FARS2: variants seen among roughly 807,000 people sequenced by gnomAD.
FARS2 encodes the protein phenylalanine--tRNA ligase, mitochondrial.
In FARS2, 40 loss-of-function variants were observed where a neutral mutation model predicts 46.4. That is an observed-to-expected ratio of 0.86 (90% CI 0.67 to 1.12). The LOEUF is 1.12. Among genes scored for constraint, FARS2 ranks in the 50% most tolerant of loss-of-function variants. The pLI, the probability that FARS2 is intolerant of heterozygous loss-of-function variation, is 0.00. For missense variants in FARS2, 513 were observed against 567.9 expected (o/e 0.90, Z 0.98); for synonymous variants, 234 against 214.9 (o/e 1.09, Z -0.78).
chr6:5,613,270 AGGAGAC>A lies in FARS2; in HGVS notation c.1168_1173del (p.Gly390_Asp391del), dbSNP rs765670501. ...TCTATGACTTAGTCCGAACAATTGGAGGAGACCTGGTGGAAAAGGTTGATCTCATAG... is the reference window on the plus strand; with the variant it reads ...TCTATGACTTAGTCCGAACAATTGGACTGGTGGAAAAGGTTGATCTCATAG... On this transcript the variant is annotated inframe_deletion, in exon 6 of 7. Transcript: ENST00000274680. 6.8e-6 allele frequency: 11 copies of A among 1,613,478 alleles called. No individual in the cohort carries two copies. In the African/African-American group the frequency reaches 1.5e-4, roughly 22 times the overall value.
intron 3 of FARS2, among the ~76,000 whole-genome samples, chr6:5,428,499 C>G (rs1373804578): frequency 6.6e-6 from 1 of 152,138 alleles, no homozygotes; most frequent in African/African-American, 2.4e-5. Context: ...GCCATGTACA[C>G]AAAATATATT....
intron 1 of FARS2, among the ~76,000 whole-genome samples, chr6:5,281,122 G>A (rs1166609365): frequency 6.6e-6 from 1 of 152,166 alleles, no homozygotes; most frequent in Non-Finnish European, 1.5e-5. Context: ...TTATGCAACT[G>A]TTGTCTTATG....
At chr6:5,728,309 G>A (rs1240415433) in intron 6 of FARS2, among the ~76,000 whole-genome samples, 3 of 151,978 alleles carry the variant, frequency 2.0e-5, no homozygotes, top group Admixed American at 2.0e-4. Context: ...GAAGGGTCTT[G>A]AGTGCTTTCA....
In FARS2 at chr6:5,590,392, C is replaced by T. The variant is rs185977926; in HGVS notation, c.1066-22777C>T. Among the ~76,000 whole-genome samples, 138 of 152,274 alleles carry T rather than the reference C, an allele frequency of 9.1e-4. 1 individual carries two copies. The highest frequency in any genetic ancestry group is 1.4e-3 in the African/African-American group (57 of 41,558). ...TAGAGTCTCAGGCACCCAGCCAGCCCGGTTGAGAGCCCTTCAGCTCTGGCA... is the reference window on the plus strand; with the variant it reads ...TAGAGTCTCAGGCACCCAGCCAGCCTGGTTGAGAGCCCTTCAGCTCTGGCA... On this transcript the variant is annotated intron_variant, in intron 5 of 6. Transcript: ENST00000274680.
intron 2 of FARS2, among the ~76,000 whole-genome samples, chr6:5,395,302 C>T (rs928453430): frequency 2.0e-5 from 3 of 152,148 alleles, no homozygotes; most frequent in South Asian, 2.1e-4. Context: ...CCACCTGCCT[C>T]GGCCTCTGAA....
chr6:5,279,453 A>G (rs960609826), intron 1 of FARS2, among the ~76,000 whole-genome samples: 56 of 151,128 alleles, frequency 3.7e-4, no homozygotes, highest in African/African-American at 1.3e-3. Flanking sequence ...TTGAAAGATA[A>G]CAGAATGACA....
intron 6 of FARS2, among the ~76,000 whole-genome samples, chr6:5,744,169 G>T (rs1168475836): frequency 6.6e-6 from 1 of 152,210 alleles, no homozygotes; most frequent in East Asian, 1.9e-4. Context: ...GAAGCCTGGG[G>T]AGGGTGAGCA....
the FARS2 span, among the ~76,000 whole-genome samples, chr6:5,255,099 A>T: frequency 6.6e-6 from 1 of 152,232 alleles, no homozygotes; most frequent in South Asian, 2.1e-4. Flanking sequence ...CCCCAAACAT[A>T]TGACTATCTT....
intron 6 of FARS2, among the ~76,000 whole-genome samples, chr6:5,674,121 C>A (rs1778626537): frequency 6.9e-6 from 1 of 145,180 alleles, no homozygotes; most frequent in Non-Finnish European, 1.5e-5. Flanking sequence ...GTCTTAGAAA[C>A]CATTTGCCCT....
chr6:5,487,825 C>T (rs1290442272), intron 4 of FARS2, among the ~76,000 whole-genome samples: 1 of 152,138 alleles, frequency 6.6e-6, no homozygotes, highest in Non-Finnish European at 1.5e-5. Flanking sequence ...AGTCATCAGA[C>T]CCCTCAGTGG....
chr6:5,425,530 C>CT (rs1762798870), intron 3 of FARS2, among the ~76,000 whole-genome samples: 3 of 152,104 alleles, frequency 2.0e-5, no homozygotes, highest in Non-Finnish European at 2.9e-5. Flanking sequence ...CACACACACC[C>CT]GCCCTGCAAG....
intron 6 of FARS2, among the ~76,000 whole-genome samples, chr6:5,725,862 G>A (rs1214326946): frequency 1.3e-5 from 2 of 152,216 alleles, no homozygotes; most frequent in Non-Finnish European, 1.5e-5. Flanking sequence ...TTGAACCAGA[G>A]AGGCAGAGGT....
intron 5 of FARS2, among the ~76,000 whole-genome samples, chr6:5,611,496 A>C (rs1298052080): frequency 6.6e-6 from 1 of 152,200 alleles, no homozygotes; most frequent in East Asian, 1.9e-4. Context: ...CTTATTTCCC[A>C]ACAAAATCGT....
intron 4 of FARS2, among the ~76,000 whole-genome samples, chr6:5,440,308 A>T (rs947421494): frequency 2.6e-5 from 4 of 152,076 alleles, no homozygotes; most frequent in African/African-American, 4.8e-5. Flanking sequence ...TTTTGTATTA[A>T]TTTTTTCTGC....
chr6:5,518,742 AT>A (rs1000279696), intron 4 of FARS2, among the ~76,000 whole-genome samples: 73 of 152,218 alleles, frequency 4.8e-4, no homozygotes, highest in African/African-American at 1.7e-3. Context: ...CAAGAAATAC[AT>A]TTTTTTCATA....
At chr6:5,637,779 C>G (rs1010822177) in intron 6 of FARS2, among the ~76,000 whole-genome samples, 6 of 152,152 alleles carry the variant, frequency 3.9e-5, no homozygotes. Flanking sequence ...TAGATGGTGT[C>G]TTCTCCCTGT....
intron 5 of FARS2, among the ~76,000 whole-genome samples, chr6:5,554,098 C>T (rs1217790583): frequency 1.3e-5 from 2 of 152,016 alleles, no homozygotes; most frequent in African/African-American, 2.4e-5. Flanking sequence ...CATGGATTTC[C>T]AACAGTTGTA....
intron 6 of FARS2, among the ~76,000 whole-genome samples, chr6:5,663,567 A>G (rs116667925): frequency 2.6e-5 from 4 of 152,218 alleles, no homozygotes; most frequent in African/African-American, 9.6e-5. Flanking sequence ...GAAGCAATCC[A>G]CTAAAGAAAA....
intron 4 of FARS2, among the ~76,000 whole-genome samples, chr6:5,514,293 G>A (rs1181496138): frequency 6.6e-6 from 1 of 152,072 alleles, no homozygotes; most frequent in African/African-American, 2.4e-5. Flanking sequence ...TCTAATGGAA[G>A]GAAATTTACT....
Sources: gnomAD v4.1 joint callset for allele counts (sites outside exome capture counted in the v4.1 genomes callset) on GRCh38, gnomAD v4.1.1 for gene constraint, MANE v1.5 for transcripts, NCBI Gene and HGNC (gene_info 2026-07-23, HGNC 2026-07-21) for gene names.